Variants in SMG6 observed in about 807,000 individuals in gnomAD.
The protein encoded by SMG6 is telomerase-binding protein EST1A.
A neutral mutation model predicts 142.2 loss-of-function variants in SMG6; 66 were observed. The observed-to-expected ratio is 0.46, with a 90% CI of 0.38 to 0.57. The LOEUF (loss-of-function observed/expected upper bound fraction) is 0.57, where lower values mean the gene tolerates loss of function less well. Among genes scored for constraint, SMG6 ranks in the 20% least tolerant of loss-of-function variants. SMG6 has a pLI of 0.00. For missense variants in SMG6, 1,793 were observed against 1,832.0 expected, an observed-to-expected ratio of 0.98 and a Z score of 0.39; for synonymous variants, 779 against 702.4, an observed-to-expected ratio of 1.11 and a Z score of -1.72.
intron 12 of SMG6, among the ~76,000 whole-genome samples, chr17:2,182,827 C>T (rs1431801144): frequency 6.6e-6 from 1 of 151,278 alleles, no homozygotes; most frequent in Non-Finnish European, 1.5e-5. Context: ...GTACACAGCA[C>T]CAGCCGAAGA....
intron 6 of SMG6, among the ~76,000 whole-genome samples, chr17:2,289,454 G>A (rs2074982423): frequency 6.6e-6 from 1 of 152,034 alleles, no homozygotes; most frequent in Non-Finnish European, 1.5e-5. Context: ...CTAATCAGGA[G>A]GCTAAGGCAG....
chr17:2,082,478 C>T (rs1267086156), intron 14 of SMG6, among the ~76,000 whole-genome samples: 21 of 152,226 alleles, frequency 1.4e-4, no homozygotes, highest in South Asian at 2.1e-4. Context: ...CAGCAGACCT[C>T]GCCCTGGTTT....
chr17:2,162,880 G>A (rs2071225087), intron 13 of SMG6, among the ~76,000 whole-genome samples: 1 of 152,162 alleles, frequency 6.6e-6, no homozygotes, highest in African/African-American at 2.4e-5. Flanking sequence ...GGCCCAGGCT[G>A]GAGTGCAGTG....
At chr17:2,265,253 C>T (rs2074395827) in intron 8 of SMG6, among the ~76,000 whole-genome samples, 1 of 152,168 alleles carries the variant, frequency 6.6e-6, no homozygotes, top group African/African-American at 2.4e-5. Flanking sequence ...GGCACAGTGG[C>T]TCAAGCCTGT....
intron 13 of SMG6, among the ~76,000 whole-genome samples, chr17:2,086,170 G>A (rs1434887373): frequency 1.3e-5 from 2 of 152,178 alleles, no homozygotes; most frequent in African/African-American, 4.8e-5. Flanking sequence ...AGTGACAGGT[G>A]CCTTACATTT....
At chr17:2,161,498 G>T (rs2071179082) in intron 13 of SMG6, among the ~76,000 whole-genome samples, 2 of 151,460 alleles carry the variant, frequency 1.3e-5, no homozygotes. Context: ...TAATCTTCAG[G>T]TTTTCATATA....
chr17:2,075,519 A>G (rs2068233107), intron 15 of SMG6, among the ~76,000 whole-genome samples: 1 of 152,166 alleles, frequency 6.6e-6, no homozygotes, highest in Non-Finnish European at 1.5e-5. Flanking sequence ...AGCCTCAGAG[A>G]GGCAGTGAGG....
At chr17:2,133,273 A>G (rs2070185265) in intron 13 of SMG6, among the ~76,000 whole-genome samples, 1 of 152,152 alleles carries the variant, frequency 6.6e-6, no homozygotes, top group South Asian at 2.1e-4. Context: ...AAAACGTAAA[A>G]TTCTTAGAAT....
At chr17:2,063,093 A>G (rs1597314296) in intron 18 of SMG6, 2 of 152,270 alleles carry the variant, frequency 1.3e-5, no homozygotes, top group Non-Finnish European at 2.9e-5. Flanking sequence ...CTGCGTCTGT[A>G]GCAGCCCCAC....
At chr17:2,273,796 CAA>C (rs113762228) in intron 8 of SMG6, among the ~76,000 whole-genome samples, 1 of 137,228 alleles carries the variant, frequency 7.3e-6, no homozygotes, top group African/African-American at 2.7e-5. Context: ...GACTGTGTCT[CAA>C]AAAAAAAAAC....
intron 13 of SMG6, among the ~76,000 whole-genome samples, chr17:2,152,409 AAAGAC>A (rs982015224): frequency 1.3e-5 from 2 of 152,226 alleles, no homozygotes; most frequent in African/African-American, 4.8e-5. Flanking sequence ...TCTAAAGTGA[AAAGAC>A]AAGCCACAGA....
intron 13 of SMG6, among the ~76,000 whole-genome samples, chr17:2,126,915 G>GCACACAC (rs1305800226): frequency 1.8e-5 from 2 of 112,030 alleles, no homozygotes; most frequent in Non-Finnish European, 3.7e-5. Flanking sequence ...CATGCACACA[G>GCACACAC]ACACAAACAT....
chr17:2,202,914 TC>T (rs776033282), intron 10 of SMG6, among the ~76,000 whole-genome samples: 22 of 152,274 alleles, frequency 1.4e-4, no homozygotes, highest in Non-Finnish European at 2.9e-4. Flanking sequence ...GCTGCTGCCT[TC>T]TGCAGGTGAG....
chr17:2,099,709 C>T (rs1415413217), intron 13 of SMG6, among the ~76,000 whole-genome samples: 5 of 152,166 alleles, frequency 3.3e-5, no homozygotes, highest in Non-Finnish European at 5.9e-5. Flanking sequence ...ATCCATAGCT[C>T]GGGATAACGT....
intron 8 of SMG6, among the ~76,000 whole-genome samples, chr17:2,249,485 T>C (rs2074000873): frequency 6.6e-6 from 1 of 152,084 alleles, no homozygotes; most frequent in African/African-American, 2.4e-5. Context: ...TTTGTAGAGA[T>C]GGGGTTCTCA....
intron 6 of SMG6, among the ~76,000 whole-genome samples, chr17:2,285,828 C>G (rs1489765614): frequency 6.6e-6 from 1 of 152,246 alleles, no homozygotes; most frequent in South Asian, 2.1e-4. Context: ...TGTGTGCTGC[C>G]ACACCTGGCT....
chr17:2,083,092 G>A (rs894533808), intron 14 of SMG6, among the ~76,000 whole-genome samples: 1 of 152,172 alleles, frequency 6.6e-6, no homozygotes, highest in African/African-American at 2.4e-5. Context: ...AAGTGAATCT[G>A]ACTCCAAAGT....
intron 1 of SMG6, 21 bp from the exon 2 acceptor site, chr17:2,300,685 T>G: frequency 1.9e-6 from 3 of 1,543,022 alleles, no homozygotes; most frequent in Non-Finnish European, 2.6e-6. Flanking sequence ...GGGGAAAGAG[T>G]TTGGGAGGGA....
intron 10 of SMG6, among the ~76,000 whole-genome samples, chr17:2,212,274 T>C (rs2072887147): frequency 6.6e-6 from 1 of 151,796 alleles, no homozygotes; most frequent in South Asian, 2.1e-4. Context: ...GACAGGGAGA[T>C]GGAAAAAGAT....
Sources: gnomAD v4.1 joint callset for allele counts (sites outside exome capture counted in the v4.1 genomes callset) on GRCh38, gnomAD v4.1.1 for gene constraint, MANE v1.5 for transcripts, NCBI Gene and HGNC (gene_info 2026-07-23, HGNC 2026-07-21) for gene names.